Variants in FYCO1 observed in about 807,000 individuals in gnomAD.
FYCO1 encodes FYVE and coiled-coil domain-containing protein 1.
A neutral mutation model predicts 165.1 loss-of-function variants in FYCO1; 122 were observed. The observed-to-expected ratio is 0.74, with a 90% CI of 0.64 to 0.86. The LOEUF (loss-of-function observed/expected upper bound fraction) is 0.86, where lower values mean the gene tolerates loss of function less well. Among genes scored for constraint, FYCO1 ranks in the 40% least tolerant of loss-of-function variants. The probability of loss-of-function intolerance (pLI) is 0.00; values close to 1 mark genes in which losing one functional copy is unlikely to be tolerated. For synonymous variants in FYCO1, 648 were observed against 742.5 expected (o/e 0.87, Z 2.07); for missense variants, 1,702 against 1,810.3 (o/e 0.94, Z 1.09).
intron 8 of FYCO1, 138 bp downstream of exon 8, chr3:45,966,139 G>T (rs2125848391): frequency 2.4e-6 from 2 of 832,452 alleles, no homozygotes; most frequent in East Asian, 2.5e-5. Context: ...ATAGGAAAGG[G>T]CCACAAGGTG....
chr3:45,966,216 T>A (rs1264194885), intron 8 of FYCO1, 61 bp downstream of exon 8: 1 of 1,564,312 alleles, frequency 6.4e-7, no homozygotes, highest in East Asian at 2.2e-5. Context: ...CATCTTCCCA[T>A]GGACCCACCA....
At chr3:45,949,687 C>G (rs1316293468) in intron 14 of FYCO1, among the ~76,000 whole-genome samples, 1 of 152,182 alleles carries the variant, frequency 6.6e-6, no homozygotes, top group Non-Finnish European at 1.5e-5. Flanking sequence ...CTTGGGCCTG[C>G]CTGGCCACAG....
intron 7 of FYCO1, 145 bp from the exon 8 acceptor site, chr3:45,968,848 A>G (rs1575373320): frequency 3.0e-6 from 3 of 991,122 alleles, no homozygotes; most frequent in African/African-American, 1.6e-5. Context: ...TCAAAAGACT[A>G]GAATCCCTTT....
chr3:45,955,814 G>A (rs1705277577), intron 13 of FYCO1, among the ~76,000 whole-genome samples: 1 of 152,174 alleles, frequency 6.6e-6, no homozygotes, highest in Non-Finnish European at 1.5e-5. Flanking sequence ...TTGAAAGCAG[G>A]AGTCTGTCTG....
At position 45,967,581 on chromosome 3, in the gene FYCO1, A is replaced by AGGCCTCTTGCAGACT. The variant is rs1706143489; in HGVS notation, c.1738_1752dup (p.Ser580_Ala584dup). The stretch of plus-strand genomic sequence containing the variant: ...CTCTGCTCCTCCTCTGGCTTCCCCC[A>AGGCCTCTTGCAGACT]GGCCTCTTGCAGACTGGAGTTCACA... On this transcript the variant is annotated inframe_insertion, in exon 8 of 18. Coordinates refer to ENST00000296137, the MANE Select transcript of FYCO1 (RefSeq NM_024513.4). 2 of 1,613,834 alleles carry AGGCCTCTTGCAGACT rather than the reference A, an allele frequency of 1.2e-6. No homozygotes were observed. The highest frequency in any genetic ancestry group is 1.7e-5 in the Admixed American group (1 of 60,000).
At chr3:45,946,997 C>T in intron 14 of FYCO1, 1 of 1,614,212 alleles carries the variant, frequency 6.2e-7, no homozygotes, top group Non-Finnish European at 8.5e-7. Flanking sequence ...ATGGCAATGT[C>T]TTTAATCTCG....
chr3:45,931,340 G>T, intron 15 of FYCO1, 59 bp from the exon 16 acceptor site: 1 of 1,522,264 alleles, frequency 6.6e-7, no homozygotes, highest in Non-Finnish European at 9.1e-7. Flanking sequence ...GTGTCCACTG[G>T]CCAGGTCATC....
chr3:45,937,147 G>T (rs1332859166), intron 14 of FYCO1, among the ~76,000 whole-genome samples: 1 of 152,186 alleles, frequency 6.6e-6, no homozygotes, highest in Non-Finnish European at 1.5e-5. Flanking sequence ...TGGGGTTCCA[G>T]GTCCAGCTCA....
At chr3:45,935,678 A>G (rs1703852175) in intron 15 of FYCO1, among the ~76,000 whole-genome samples, 1 of 152,196 alleles carries the variant, frequency 6.6e-6, no homozygotes, top group Non-Finnish European at 1.5e-5. Flanking sequence ...ATCTTTTTCC[A>G]TAGCAAGCAC....
Position 45,993,734 on chromosome 3 carries a change from G to A in FYCO1, c.-113+1988C>T, listed in dbSNP as rs779820321. 2.6e-5 allele frequency among the ~76,000 whole-genome samples: 4 copies of A among 152,150 alleles called. No homozygotes were observed. The highest frequency in any genetic ancestry group is 1.9e-4 in the East Asian group (1 of 5,196). ...CTGCCTAGGGCTGCTTGCAGTGAACGTGGTTCCTAAATCTAGGTGCCTACC... is the reference window on the plus strand; with the variant it reads ...CTGCCTAGGGCTGCTTGCAGTGAACATGGTTCCTAAATCTAGGTGCCTACC... On this transcript the variant is annotated intron_variant, in intron 1 of 17. Transcript: ENST00000296137. This position sits in a 1 kb window ranked among gnomAD's most constrained non-coding sequence, Gnocchi z 4.4.
At chr3:45,938,953 T>A (rs1031966890) in intron 14 of FYCO1, among the ~76,000 whole-genome samples, 11 of 152,234 alleles carry the variant, frequency 7.2e-5, no homozygotes, top group African/African-American at 2.7e-4. Context: ...GCATGACCAC[T>A]AGAGGGCACC....
chr3:45,936,378 G>A lies in FYCO1; in HGVS notation c.4040+70C>T, dbSNP rs541032458. On this transcript the variant is annotated intron_variant, in intron 15 of 17. Transcript: ENST00000296137. ...AGCCCCCGAGGTGGTCCCCAGCGCC[G>A]GCACTGGAGAGGCCAGTGCTCCTCC... The A allele has an allele frequency of 1.5e-4, 158 of 1,035,366 alleles. No individual in the cohort carries two copies. In the East Asian group the frequency reaches 3.2e-3, roughly 21 times the overall value. 64.1% of individuals were successfully genotyped at this position (1,035,366 alleles called of 1,614,324 possible).
chr3:45,935,491 C>T (rs1703843984), intron 15 of FYCO1, among the ~76,000 whole-genome samples: 1 of 152,192 alleles, frequency 6.6e-6, no homozygotes, highest in African/African-American at 2.4e-5. Flanking sequence ...CTTTTCTCAG[C>T]CCCTGAACAT....
chr3:45,928,331 C>A (rs779378431), intron 16 of FYCO1, among the ~76,000 whole-genome samples: 6 of 152,218 alleles, frequency 3.9e-5, no homozygotes, highest in Non-Finnish European at 7.3e-5. Flanking sequence ...AACAGGCCAT[C>A]GACCTCTGGC....
chr3:45,992,579 C>G (rs1005171887), intron 1 of FYCO1, among the ~76,000 whole-genome samples: 1 of 152,208 alleles, frequency 6.6e-6, no homozygotes, highest in Non-Finnish European at 1.5e-5. Flanking sequence ...TTTTTAGGCA[C>G]TCTATCTGTC....
At chr3:45,939,660 C>T (rs1422473957) in intron 14 of FYCO1, among the ~76,000 whole-genome samples, 1 of 152,150 alleles carries the variant, frequency 6.6e-6, no homozygotes, top group Non-Finnish European at 1.5e-5. Flanking sequence ...TGCCATCTCC[C>T]CTCAGCCTCG....
At chr3:45,960,590 A>T (rs1297092239) in intron 11 of FYCO1, among the ~76,000 whole-genome samples, 4 of 152,180 alleles carry the variant, frequency 2.6e-5, no homozygotes, top group Non-Finnish European at 5.9e-5. Context: ...CCTGAGTTCT[A>T]ACTCTGTATA....
intron 15 of FYCO1, 87 bp downstream of exon 15, chr3:45,936,361 A>G: frequency 1.2e-6 from 1 of 844,448 alleles, no homozygotes; most frequent in Non-Finnish European, 2.1e-6. Context: ...AGAGCCCCCG[A>G]GGTGGTCCCC....
chr3:45,930,824 G>A (rs925855750), intron 16 of FYCO1, among the ~76,000 whole-genome samples: 1 of 152,132 alleles, frequency 6.6e-6, no homozygotes, highest in African/African-American at 2.4e-5. Flanking sequence ...AGGGCAGACT[G>A]TACCTGTTTC....
Sources: allele counts gnomAD v4.1 joint callset (sites outside exome capture counted in the v4.1 genomes callset), GRCh38; gene constraint gnomAD v4.1.1; non-coding constraint Gnocchi (gnomAD v3.1); transcripts MANE v1.5; gene names NCBI Gene and HGNC (gene_info 2026-07-23, HGNC 2026-07-21).